The following STXBP6 variants were observed in gnomAD, a reference collection of about 807,000 sequenced individuals.
The protein encoded by STXBP6 is syntaxin-binding protein 6.
STXBP6 carries 21 observed loss-of-function variants against 26.9 expected under a neutral mutation model. The observed-to-expected ratio is 0.78, with a 90% confidence interval of 0.55 to 1.12. The LOEUF (loss-of-function observed/expected upper bound fraction) is 1.12, where lower values mean the gene tolerates loss of function less well. Among genes scored for constraint, STXBP6 ranks in the 50% most tolerant of loss-of-function variants. The probability of loss-of-function intolerance (pLI) is 0.00; values close to 1 mark genes in which losing one functional copy is unlikely to be tolerated. For missense variants in STXBP6, 232 were observed against 257.9 expected (o/e 0.90, Z 0.69); for synonymous variants, 97 against 92.6 (o/e 1.05, Z -0.27).
chr14:24,843,323 G>A lies in STXBP6; in HGVS notation c.451+12613C>T, dbSNP rs964847938. Among the ~76,000 whole-genome samples, 8 of 152,196 alleles carry A rather than the reference G, an allele frequency of 5.3e-5. 2 individuals carry two copies. The highest frequency in any genetic ancestry group is 3.9e-4 in the Admixed American group (6 of 15,288). ...AATACAAATACATATAAATACAGAC[G>A]ACTGTACTTCTACTGTATCTGACCT... On this transcript the variant is annotated intron_variant, in intron 4 of 5. Transcript: ENST00000323944.
chr14:24,889,643 G>A (rs1450480550), intron 2 of STXBP6, among the ~76,000 whole-genome samples: 1 of 151,978 alleles, frequency 6.6e-6, no homozygotes, highest in Non-Finnish European at 1.5e-5. Flanking sequence ...GTATGTGTGT[G>A]TATGAATTTG....
rs1027102328 is a variant in STXBP6, at chr14:24,812,136, T to C, written c.*573A>G. Reference sequence around the variant, plus strand: ...TGATGGTTCATGCAAAAGATTACTATGCAAGGAGCAAAATCTAAGACTGCT... The same window carrying C: ...TGATGGTTCATGCAAAAGATTACTACGCAAGGAGCAAAATCTAAGACTGCT... On this transcript the variant is annotated 3_prime_UTR_variant, in exon 6 of 6. Transcript: ENST00000323944. 1 of 151,942 alleles carries C rather than the reference T, an allele frequency of 6.6e-6. No homozygotes were observed. Among genetic ancestry groups the C allele is most frequent in the South Asian group, 2.1e-4 (1 of 4,824 alleles). The allele number at this position is 151,942 out of a possible 1,614,324, so 9.4% of individuals were successfully genotyped here.
Position 24,836,322 on chromosome 14 carries a change from C to T in STXBP6, c.452-17128G>A, listed in dbSNP as rs555902102. Among the ~76,000 whole-genome samples the T allele has an allele frequency of 3.3e-5, 5 of 152,152 alleles. No homozygotes were observed. The East Asian group carries it at 7.7e-4, about 23-fold the overall frequency. Reference sequence around the variant, plus strand: ...ACTCAGAAGTGAAAATCAGACTGTGCGTGATGGCTCACAACTGTAATCCCA... The same window carrying T: ...ACTCAGAAGTGAAAATCAGACTGTGTGTGATGGCTCACAACTGTAATCCCA... On this transcript the variant is annotated intron_variant, in intron 4 of 5. Coordinates refer to ENST00000323944, the MANE Select transcript of STXBP6 (RefSeq NM_001394410.1).
intron 2 of STXBP6, among the ~76,000 whole-genome samples, chr14:24,868,763 C>G (rs898570169): frequency 6.6e-6 from 1 of 152,140 alleles, no homozygotes; most frequent in Non-Finnish European, 1.5e-5. Flanking sequence ...AGGAGAGAGG[C>G]GCTGCCAGTA....
intron 2 of STXBP6, among the ~76,000 whole-genome samples, chr14:24,937,697 C>T (rs2072652241): frequency 6.6e-6 from 1 of 152,144 alleles, no homozygotes; most frequent in Non-Finnish European, 1.5e-5. Flanking sequence ...ATGTTTTAAA[C>T]ATGTATATAC....
rs2067848817 is a variant in STXBP6, at chr14:24,812,448, C to T, written c.*261G>A. 3 of 466,384 alleles carry T rather than the reference C, an allele frequency of 6.4e-6. No individual in the cohort carries two copies. Among genetic ancestry groups the T allele is most frequent in the African/African-American group, 1.9e-5 (1 of 51,568 alleles). The allele number at this position is 466,384 out of a possible 1,614,324, so 28.9% of individuals were successfully genotyped here. A position where few individuals can be genotyped will look rare whatever the true frequency, so the allele number is the denominator to read the frequency against. On this transcript the variant is annotated 3_prime_UTR_variant, in exon 6 of 6. Coordinates refer to ENST00000323944, the MANE Select transcript of STXBP6 (RefSeq NM_001394410.1). The stretch of plus-strand genomic sequence containing the variant: ...AAAACATATTCAAAACATACATATA[C>T]ACACATACACACAGTGGGAGGAGGC...
chr14:24,891,427 T>C (rs967167687), intron 2 of STXBP6, among the ~76,000 whole-genome samples: 6 of 152,098 alleles, frequency 3.9e-5, no homozygotes, highest in African/African-American at 1.4e-4. Flanking sequence ...ACTAAGAAAA[T>C]ATTATTAAGA....
intron 1 of STXBP6, among the ~76,000 whole-genome samples, chr14:24,983,154 G>T (rs1256102349): frequency 6.6e-6 from 1 of 152,178 alleles, no homozygotes; most frequent in Non-Finnish European, 1.5e-5. Context: ...ATACTGACGA[G>T]ATTATCAATC....
intron 1 of STXBP6, among the ~76,000 whole-genome samples, chr14:24,986,739 C>G (rs1266873787): frequency 3.3e-5 from 5 of 152,230 alleles, no homozygotes; most frequent in Admixed American, 2.0e-4. Flanking sequence ...TTTCCACACA[C>G]AGCTGCACAA....
intron 2 of STXBP6, among the ~76,000 whole-genome samples, chr14:24,909,110 T>C (rs2071481315): frequency 6.6e-6 from 1 of 152,246 alleles, no homozygotes; most frequent in South Asian, 2.1e-4. Flanking sequence ...ATTTCTAAAT[T>C]TGTTCGAATC....
rs550681640 is a variant in STXBP6, at chr14:25,030,329, G to A, written c.-33+19549C>T. 5.3e-5 allele frequency among the ~76,000 whole-genome samples: 8 copies of A among 152,284 alleles called. No individual in the cohort carries two copies. The East Asian group carries it at 1.5e-3, about 29-fold the overall frequency. On this transcript the variant is annotated intron_variant, in intron 1 of 5. Coordinates refer to ENST00000323944, the MANE Select transcript of STXBP6 (RefSeq NM_001394410.1). ...AAGGCAGGGCCTGGGCCACTGAATG[G>A]GAAAAGGAAGCCAAGGTGCTCATCA...
At chr14:24,959,313 A>G (rs1330931655) in intron 2 of STXBP6, among the ~76,000 whole-genome samples, 1 of 152,172 alleles carries the variant, frequency 6.6e-6, no homozygotes, top group Non-Finnish European at 1.5e-5. Context: ...GTGGCCAAGC[A>G]TGGTGGTTTG....
intron 1 of STXBP6, among the ~76,000 whole-genome samples, chr14:25,046,616 T>C (rs11628356): frequency 0.14 from 21,113 of 152,122 alleles, 1,760 homozygotes; most frequent in Non-Finnish European, 0.19. Context: ...GGCACTACAT[T>C]ATGTAAACTT....
At chr14:24,814,475 A>G (rs1433186138) in intron 5 of STXBP6, among the ~76,000 whole-genome samples, 1 of 152,212 alleles carries the variant, frequency 6.6e-6, no homozygotes, top group Non-Finnish European at 1.5e-5. Context: ...ACTTTCAACT[A>G]ATGGGCTTGT....
chr14:24,855,760 G>T (rs1420717756), intron 4 of STXBP6, among the ~76,000 whole-genome samples, 176 bp downstream of exon 4: 1 of 152,046 alleles, frequency 6.6e-6, no homozygotes, highest in Non-Finnish European at 1.5e-5. Flanking sequence ...ACATACCTTT[G>T]TGTCTAAATT....
rs79406204 is a variant in STXBP6, at chr14:24,952,855, G to C, written c.154+21810C>G. On this transcript the variant is annotated intron_variant, in intron 2 of 5. Coordinates refer to ENST00000323944, the MANE Select transcript of STXBP6 (RefSeq NM_001394410.1). ...CAGAGGGCATTCCAACTCAGAGGAG[G>C]AAACCATACCAGGAAGCTTTTGAGA... is the stretch of plus-strand genomic sequence containing the variant. Among the ~76,000 whole-genome samples, 5 of 152,230 alleles carry C rather than the reference G, an allele frequency of 3.3e-5. No homozygotes were observed. In the East Asian group the frequency reaches 9.7e-4, roughly 29 times the overall value.
chr14:24,991,510 A>G (rs1184669108), intron 1 of STXBP6, among the ~76,000 whole-genome samples: 2 of 152,184 alleles, frequency 1.3e-5, no homozygotes, highest in East Asian at 1.9e-4. Flanking sequence ...ATGACAGCCA[A>G]TTCAGAGTCT....
At chr14:24,998,593 G>C (rs2074668805) in intron 1 of STXBP6, among the ~76,000 whole-genome samples, 1 of 151,986 alleles carries the variant, frequency 6.6e-6, no homozygotes. Context: ...TCTTTTACAG[G>C]AGGTAAAAAA....
Position 25,031,038 on chromosome 14 carries a change from A to T in STXBP6, c.-33+18840T>A, listed in dbSNP as rs1467626326. Among the ~76,000 whole-genome samples the T allele has an allele frequency of 4.6e-5, 7 of 152,202 alleles. No homozygotes were observed. The South Asian group carries it at 1.4e-3, about 31-fold the overall frequency. On this transcript the variant is annotated intron_variant, in intron 1 of 5. Transcript: ENST00000323944. Reference sequence around the variant, plus strand: ...TAGTGGAAATTTGTCCAGACCAGACATAAAATATTGGTACGCTTCGAAATT... The same window carrying T: ...TAGTGGAAATTTGTCCAGACCAGACTTAAAATATTGGTACGCTTCGAAATT...
Sources: allele counts gnomAD v4.1 joint callset (sites outside exome capture counted in the v4.1 genomes callset), GRCh38; gene constraint gnomAD v4.1.1; transcripts MANE v1.5; gene names NCBI Gene and HGNC (gene_info 2026-07-23, HGNC 2026-07-21).